RBFOX1: variants seen among roughly 807,000 people sequenced by gnomAD.
RBFOX1 encodes the protein RNA binding fox-1 homolog 1.
RBFOX1 carries 8 observed loss-of-function variants against 57.7 expected under a neutral mutation model. The observed-to-expected ratio is 0.14, with a 90% CI of 0.08 to 0.25. RBFOX1 has a LOEUF of 0.25. RBFOX1 is among the 10% of genes least tolerant of loss of function. The pLI, the probability that RBFOX1 is intolerant of heterozygous loss-of-function variation, is 1.00. For missense variants in RBFOX1, 611 were observed against 548.5 expected, an observed-to-expected ratio of 1.11 and a Z score of -1.14; for synonymous variants, 326 against 222.4, an observed-to-expected ratio of 1.47 and a Z score of -4.15.
intron 4 of RBFOX1, among the ~76,000 whole-genome samples, chr16:7,140,034 C>T (rs1050151971): frequency 6.6e-6 from 1 of 151,998 alleles, no homozygotes; most frequent in Non-Finnish European, 1.5e-5. Flanking sequence ...GCTGTCTGGG[C>T]ATTAGGGGAT....
chr16:7,161,923 A>C (rs1451604948), intron 4 of RBFOX1, among the ~76,000 whole-genome samples: 1 of 152,232 alleles, frequency 6.6e-6, no homozygotes, highest in Non-Finnish European at 1.5e-5. Flanking sequence ...ACACACTCAA[A>C]GGTTTTGGGG....
At chr16:6,997,199 C>G (rs562860592) in intron 3 of RBFOX1, among the ~76,000 whole-genome samples, 32 of 152,046 alleles carry the variant, frequency 2.1e-4, no homozygotes, top group African/African-American at 7.2e-4. Flanking sequence ...CCCCCAATAA[C>G]TTTAAGGTTT....
chr16:7,231,062 G>A (rs1407327405), intron 4 of RBFOX1, among the ~76,000 whole-genome samples: 1 of 152,100 alleles, frequency 6.6e-6, no homozygotes, highest in Non-Finnish European at 1.5e-5. Flanking sequence ...CCATTAAGTG[G>A]AGAGTATCCT....
At chr16:5,797,430 C>A (rs559860025) in intron 3 of RBFOX1, among the ~76,000 whole-genome samples, 130 of 152,316 alleles carry the variant, frequency 8.5e-4, no homozygotes, top group African/African-American at 3.0e-3. Flanking sequence ...TCTGCTCTTC[C>A]TGTAACTGAA....
chr16:5,978,508 A>C (rs551067712), intron 4 of RBFOX1, among the ~76,000 whole-genome samples: 14 of 152,284 alleles, frequency 9.2e-5, no homozygotes, highest in Middle Eastern at 3.4e-3. Flanking sequence ...CTATATTACT[A>C]TTAAGGCCAC....
At chr16:7,679,851 A>T (rs1366768107) in intron 14 of RBFOX1, among the ~76,000 whole-genome samples, 1 of 152,124 alleles carries the variant, frequency 6.6e-6, no homozygotes, top group Non-Finnish European at 1.5e-5. Context: ...CAAAAGAAAA[A>T]TACCTGACTG....
At chr16:6,711,021 A>G in intron 3 of RBFOX1, among the ~76,000 whole-genome samples, 1 of 152,204 alleles carries the variant, frequency 6.6e-6, no homozygotes, top group East Asian at 1.9e-4. Flanking sequence ...TGCAAGTGAA[A>G]TGATACAATC....
intron 4 of RBFOX1, among the ~76,000 whole-genome samples, chr16:7,292,875 T>A (rs2095820148): frequency 6.6e-6 from 1 of 152,058 alleles, no homozygotes; most frequent in Non-Finnish European, 1.5e-5. Context: ...CAAAGCTGGA[T>A]AAGAGATGAT....
intron 4 of RBFOX1, among the ~76,000 whole-genome samples, chr16:7,249,530 T>C (rs1002116627): frequency 2.6e-5 from 4 of 152,052 alleles, no homozygotes; most frequent in Non-Finnish European, 4.4e-5. Flanking sequence ...ATATCAACTG[T>C]TTATATGTTT....
At chr16:6,433,768 C>G (rs906357075) in intron 2 of RBFOX1, among the ~76,000 whole-genome samples, 1 of 151,970 alleles carries the variant, frequency 6.6e-6, no homozygotes, top group Non-Finnish European at 1.5e-5. Context: ...CTTCCTCCAC[C>G]CTTCAAAGCA....
intron 3 of RBFOX1, among the ~76,000 whole-genome samples, chr16:6,837,956 A>T (rs1016001088): frequency 6.6e-6 from 1 of 151,998 alleles, no homozygotes; most frequent in Non-Finnish European, 1.5e-5. Flanking sequence ...TTCCATGGCA[A>T]CACCTGGAAG....
chr16:7,212,764 C>G (rs1488757518), intron 4 of RBFOX1, among the ~76,000 whole-genome samples: 4 of 152,146 alleles, frequency 2.6e-5, no homozygotes, highest in East Asian at 1.9e-4. Context: ...GTGCAGCAAA[C>G]CACCATGGCA....
At chr16:5,935,508 G>A (rs2059150521) in intron 4 of RBFOX1, among the ~76,000 whole-genome samples, 1 of 152,200 alleles carries the variant, frequency 6.6e-6, no homozygotes, top group Non-Finnish European at 1.5e-5. Context: ...CTGGCCCTGG[G>A]GTGATTAGGG....
chr16:7,167,203 C>G (rs1437682540), intron 4 of RBFOX1, among the ~76,000 whole-genome samples: 3 of 151,474 alleles, frequency 2.0e-5, no homozygotes, highest in Non-Finnish European at 4.4e-5. Flanking sequence ...CCAGGCTGGT[C>G]TCAAACTCCT....
At chr16:7,698,500 G>A (rs936901963) in intron 14 of RBFOX1, among the ~76,000 whole-genome samples, 10 of 152,000 alleles carry the variant, frequency 6.6e-5, no homozygotes, top group South Asian at 6.2e-4. Flanking sequence ...TGTCACCAGC[G>A]CCTTTCATTT....
At chr16:6,553,048 AGTGGCAGC>A (rs1489339582) in intron 2 of RBFOX1, among the ~76,000 whole-genome samples, 1 of 152,180 alleles carries the variant, frequency 6.6e-6, no homozygotes, top group Admixed American at 6.5e-5. Flanking sequence ...TTGACACTTC[AGTGGCAGC>A]AACTTCCAGT....
At chr16:7,312,767 T>C (rs1213428671) in intron 4 of RBFOX1, among the ~76,000 whole-genome samples, 3 of 152,204 alleles carry the variant, frequency 2.0e-5, no homozygotes, top group Admixed American at 6.5e-5. Flanking sequence ...AGGGCCTTCA[T>C]TTATTTCCAT....
chr16:7,482,110 A>G (rs1281997648), intron 4 of RBFOX1, among the ~76,000 whole-genome samples: 1 of 152,212 alleles, frequency 6.6e-6, no homozygotes, highest in Non-Finnish European at 1.5e-5. Context: ...TATCATAGCA[A>G]CAAGTCCTCC....
intron 3 of RBFOX1, among the ~76,000 whole-genome samples, chr16:6,932,127 T>C (rs1162742150): frequency 2.0e-5 from 3 of 152,252 alleles, no homozygotes; most frequent in South Asian, 4.2e-4. Flanking sequence ...TTTTTTCAGA[T>C]GGCATCCCAT....
Sources: allele counts gnomAD v4.1 joint callset (sites outside exome capture counted in the v4.1 genomes callset), GRCh38; gene constraint gnomAD v4.1.1; transcripts MANE v1.5; gene names NCBI Gene and HGNC (gene_info 2026-07-23, HGNC 2026-07-21).